The following MYOT variants were observed in gnomAD, a reference collection of about 807,000 sequenced individuals.
The protein encoded by MYOT is myotilin, also known as 57 kDa cytoskeletal protein.
Under a neutral mutation model 58.0 loss-of-function variants are expected in MYOT, and 36 were observed. The observed-to-expected ratio is 0.62, with a 90% CI of 0.48 to 0.82. The LOEUF (loss-of-function observed/expected upper bound fraction) is 0.82. Among genes scored for constraint, MYOT ranks in the 40% least tolerant of loss-of-function variants. MYOT has a pLI of 0.00. For synonymous variants in MYOT, 218 were observed against 204.6 expected, an observed-to-expected ratio of 1.07 and a Z score of -0.56; for missense variants, 505 against 592.1, an observed-to-expected ratio of 0.85 and a Z score of 1.53.
chr5:137,886,041 T>C lies in MYOT; in HGVS notation c.1025-7T>C. The C allele has an allele frequency of 1.3e-6, 2 of 1,544,868 alleles. No homozygotes were observed. Among genetic ancestry groups the C allele is most frequent in the South Asian group, 1.1e-5 (1 of 87,182 alleles). On this transcript the variant is annotated splice_polypyrimidine_tract_variant and splice_region_variant and intron_variant, in intron 7 of 9. Transcript: ENST00000239926. ...TCAAATACTTGAATTTTTGTATTAA[T>C]ATATAGCAAAAGAACATAAAAGAGC...
rs566265335 is a variant in MYOT, at chr5:137,870,126, TA to T, written c.-211-297del. ...CAACATAGTGAAACCCTGTCTCTAC[TA>T]AAAAAAAAAAAAAAAAAGAAAGAAA... On this transcript the variant is annotated intron_variant, in intron 1 of 9. Transcript: ENST00000239926. 0.048 allele frequency among the ~76,000 whole-genome samples: 4,196 copies of T among 86,830 alleles called. 173 individuals carry two copies. Among genetic ancestry groups the T allele is most frequent in the African/African-American group, 0.15 (3,783 of 25,206 alleles). The allele number at this position is 86,830 out of a possible 152,430, so 57.0% of individuals were successfully genotyped here. A position where few individuals can be genotyped will look rare whatever the true frequency, so the allele number is the denominator to read the frequency against.
At chr5:137,878,868 GAATGT>G (rs2149984219) in intron 4 of MYOT, among the ~76,000 whole-genome samples, 1 of 152,192 alleles carries the variant, frequency 6.6e-6, no homozygotes, top group Admixed American at 6.5e-5. Context: ...CAGGTAGACT[GAATGT>G]TAGCACTCTT....
chr5:137,874,425 C>T (rs1187367716), intron 2 of MYOT, among the ~76,000 whole-genome samples: 2 of 152,070 alleles, frequency 1.3e-5, no homozygotes, highest in Non-Finnish European at 2.9e-5. Flanking sequence ...CGAGATCGCG[C>T]CACTGCACTC....
At chr5:137,872,326 A>G (rs566805476) in intron 2 of MYOT, among the ~76,000 whole-genome samples, 4 of 152,246 alleles carry the variant, frequency 2.6e-5, no homozygotes, top group South Asian at 4.1e-4. Flanking sequence ...ATCATTTTCC[A>G]TCTAGCTTTC....
At chr5:137,886,586 T>C (rs1755608113) in intron 8 of MYOT, 3 of 473,184 alleles carry the variant, frequency 6.3e-6, no homozygotes, top group African/African-American at 6.0e-5. Flanking sequence ...ACGGAACAGG[T>C]CAGGACCCCT....
intron 8 of MYOT, chr5:137,886,554 A>G: frequency 3.3e-6 from 1 of 305,342 alleles, no homozygotes; most frequent in Non-Finnish European, 6.1e-6. Flanking sequence ...TATTAAACAA[A>G]GGAGGAGGTA....
intron 3 of MYOT, 142 bp downstream of exon 3, chr5:137,876,145 T>G (rs548266024): frequency 8.5e-6 from 7 of 827,516 alleles, no homozygotes; most frequent in South Asian, 7.0e-5. Flanking sequence ...TTGGGCCCTA[T>G]TCCATTTCTC....
chr5:137,870,267 T>A lies in MYOT; in HGVS notation c.-211-174T>A, dbSNP rs58860731. Among the ~76,000 whole-genome samples, 4,040 of 148,324 alleles carry A rather than the reference T, an allele frequency of 0.027. 168 individuals carry two copies. The highest frequency in any genetic ancestry group is 0.091 in the African/African-American group (3,641 of 40,128). ...GTTGGAGGGGCTACAGTGAGCTATG[T>A]TCGCCTGGGCGATTAAGCAAGACAC... On this transcript the variant is annotated intron_variant, in intron 1 of 9. Coordinates refer to ENST00000239926, the MANE Select transcript of MYOT (RefSeq NM_006790.3).
intron 2 of MYOT, among the ~76,000 whole-genome samples, chr5:137,872,819 C>G (rs1364446639): frequency 6.6e-6 from 1 of 152,172 alleles, no homozygotes; most frequent in Non-Finnish European, 1.5e-5. Context: ...CTGAGGGGAA[C>G]TCAATTGTTC....
chr5:137,879,917 A>T (rs1040671046), intron 4 of MYOT, among the ~76,000 whole-genome samples: 4 of 152,080 alleles, frequency 2.6e-5, no homozygotes, highest in Non-Finnish European at 4.4e-5. Flanking sequence ...AGTTGTCTTG[A>T]TATTTTGCTT....
rs1038240686 is a variant in MYOT at position 137,880,698 on chromosome 5, C to T, written c.634-118C>T. On this transcript the variant is annotated intron_variant, in intron 4 of 9. Transcript: ENST00000239926. The stretch of plus-strand genomic sequence containing the variant: ...TTAAAAGCTGAATATATAGAACTTA[C>T]CAGGGCTGTTCAAATACAGCCAAAA... 3 of 815,876 alleles carry T rather than the reference C, an allele frequency of 3.7e-6. No homozygotes were observed. In the African/African-American group the frequency reaches 5.1e-5, roughly 14 times the overall value. The allele number at this position is 815,876 out of a possible 1,614,324, so 50.5% of individuals were successfully genotyped here. A position where few individuals can be genotyped will look rare whatever the true frequency, so the allele number is the denominator to read the frequency against.
chr5:137,876,105 G>T, intron 3 of MYOT, 102 bp downstream of exon 3: 1 of 1,189,410 alleles, frequency 8.4e-7, no homozygotes, highest in Non-Finnish European at 1.2e-6. Context: ...ATATCAACAA[G>T]GAATAAGATT....
intron 4 of MYOT, among the ~76,000 whole-genome samples, chr5:137,880,242 A>G (rs901918895): frequency 6.6e-6 from 1 of 152,256 alleles, no homozygotes; most frequent in African/African-American, 2.4e-5. Context: ...ATGTCTGCTT[A>G]AATACAACTT....
intron 7 of MYOT, 106 bp from the exon 8 acceptor site, chr5:137,885,942 C>T (rs1258112966): frequency 1.4e-6 from 1 of 737,006 alleles, no homozygotes; most frequent in African/African-American, 1.8e-5. Flanking sequence ...GTTGCTGTTG[C>T]TTTTTAACAT....
intron 4 of MYOT, among the ~76,000 whole-genome samples, chr5:137,878,966 T>C (rs1199171136): frequency 6.6e-6 from 1 of 152,144 alleles, no homozygotes; most frequent in African/African-American, 2.4e-5. Flanking sequence ...GGAACACAAA[T>C]ATTCCTAGCT....
chr5:137,878,049 T>C (rs960323204), intron 4 of MYOT, among the ~76,000 whole-genome samples: 2 of 152,156 alleles, frequency 1.3e-5, no homozygotes, highest in East Asian at 3.8e-4. Flanking sequence ...CTTGTGGTAC[T>C]AATGAAACAT....
At chr5:137,885,471 A>C (rs1755566219) in intron 7 of MYOT, among the ~76,000 whole-genome samples, 1 of 152,164 alleles carries the variant, frequency 6.6e-6, no homozygotes, top group Non-Finnish European at 1.5e-5. Context: ...GAGATGATAA[A>C]GAATATAACT....
At chr5:137,872,281 T>C (rs1268826521) in intron 2 of MYOT, among the ~76,000 whole-genome samples, 1 of 152,152 alleles carries the variant, frequency 6.6e-6, no homozygotes, top group Non-Finnish European at 1.5e-5. Context: ...CCCTTTATAA[T>C]ATATAGATCT....
chr5:137,883,632 A>AGAAGTATTGAAAAAAAG, intron 7 of MYOT, 41 bp downstream of exon 7: 2 of 1,563,186 alleles, frequency 1.3e-6, no homozygotes, highest in Non-Finnish European at 1.8e-6. Flanking sequence ...CTTAAAATCC[A>AGAAGTATTGAAAAAAAG]GAAGTATTGA....
Sources: gnomAD v4.1 joint callset for allele counts (sites outside exome capture counted in the v4.1 genomes callset) on GRCh38, gnomAD v4.1.1 for gene constraint, MANE v1.5 for transcripts, NCBI Gene and HGNC (gene_info 2026-07-23, HGNC 2026-07-21) for gene names.